ARHGEF33: variants seen among roughly 807,000 people sequenced by gnomAD.
The protein encoded by ARHGEF33 is Rho guanine nucleotide exchange factor 33.
In ARHGEF33, 72 loss-of-function variants were observed where a neutral mutation model predicts 101.9. That is an observed-to-expected ratio of 0.71 (90% CI 0.58 to 0.86). The LOEUF (loss-of-function observed/expected upper bound fraction) is 0.86, where lower values mean the gene tolerates loss of function less well. Ranked by LOEUF, ARHGEF33 falls within the 40% of genes least tolerant of loss-of-function variation. The pLI, the probability that ARHGEF33 is intolerant of heterozygous loss-of-function variation, is 0.00. For synonymous variants in ARHGEF33, 499 were observed against 442.5 expected, an observed-to-expected ratio of 1.13 and a Z score of -1.60; for missense variants, 1,169 against 1,111.3, an observed-to-expected ratio of 1.05 and a Z score of -0.74.
rs1284932299 is a variant in ARHGEF33 at position 38,960,312 on chromosome 2, G to T, written c.2007G>T (p.Pro669=). The stretch of plus-strand genomic sequence containing the variant: ...GCTTCGCCATGGAGGCCGAGCGGCC[G>T]GAGCACCCGCTGCAGCCGCTGCCCA... The part of the protein sequence containing the change: ...PVSFAMEAER[P]EHPLQPLPKS... The change falls in exon 16 of 18, where the codon CCG becomes CCT. Residue 669 remains proline, a synonymous_variant. Coordinates refer to ENST00000409978, the MANE Select transcript of ARHGEF33 (RefSeq NM_001145451.5). The T allele has an allele frequency of 3.2e-6, 5 of 1,543,790 alleles. No individual in the cohort carries two copies. The highest frequency in any genetic ancestry group is 4.4e-6 in the Non-Finnish European group (5 of 1,145,932).
At chr2:38,891,142 C>G (rs1406783730) in intron 1 of ARHGEF33, among the ~76,000 whole-genome samples, 1 of 152,020 alleles carries the variant, frequency 6.6e-6, no homozygotes, top group African/African-American at 2.4e-5. Context: ...TCATGTTGCT[C>G]AGGTTGGTCT....
At position 38,909,360 on chromosome 2, in the gene ARHGEF33, C is replaced by T. The variant is rs1187684206; in HGVS notation, c.-85-10003C>T. ...TTTTTTAGACCAGGTCTCACTCTGC[C>T]GCCCAGGCTGGAGTGCAGTGGCTCT... On this transcript the variant is annotated intron_variant, in intron 2 of 17. Transcript: ENST00000409978. Among the ~76,000 whole-genome samples the T allele has an allele frequency of 7.2e-5, 11 of 151,896 alleles. No homozygotes were observed. The South Asian group carries it at 1.0e-3, about 14-fold the overall frequency.
intron 9 of ARHGEF33, 52 bp from the exon 10 acceptor site, chr2:38,943,849 G>A: frequency 9.2e-6 from 14 of 1,518,342 alleles, no homozygotes; most frequent in Non-Finnish European, 1.2e-5. Flanking sequence ...CATTTAATGG[G>A]ATTTTAGGAA....
At chr2:38,906,069 C>G (rs1666380216) in intron 2 of ARHGEF33, among the ~76,000 whole-genome samples, 1 of 151,148 alleles carries the variant, frequency 6.6e-6, no homozygotes, top group Admixed American at 6.6e-5. Flanking sequence ...ACCTGGGAAA[C>G]ATGGTGAAAC....
intron 4 of ARHGEF33, among the ~76,000 whole-genome samples, chr2:38,924,303 C>T (rs1197087072): frequency 2.0e-5 from 3 of 152,098 alleles, no homozygotes; most frequent in Non-Finnish European, 4.4e-5. Flanking sequence ...TTAGAAAAGT[C>T]TATTCCCTAT....
At chr2:38,923,438 T>G (rs533345274) in intron 4 of ARHGEF33, among the ~76,000 whole-genome samples, 2 of 152,324 alleles carry the variant, frequency 1.3e-5, no homozygotes, top group Admixed American at 1.3e-4. Flanking sequence ...TATAATATTT[T>G]GGTAATTCTC....
chr2:38,964,316 T>G (rs1668007795), intron 16 of ARHGEF33, among the ~76,000 whole-genome samples: 2 of 152,102 alleles, frequency 1.3e-5, no homozygotes, highest in South Asian at 4.2e-4. Flanking sequence ...GCTGTACCAT[T>G]GAAGTTCATC....
chr2:38,893,352 G>A (rs1365786679), intron 1 of ARHGEF33, among the ~76,000 whole-genome samples: 2 of 151,984 alleles, frequency 1.3e-5, no homozygotes, highest in African/African-American at 4.8e-5. Flanking sequence ...TAGAGACAGA[G>A]TTTCACTATG....
chr2:38,900,290 G>C lies in ARHGEF33; in HGVS notation c.-86+4441G>C, dbSNP rs1666211495. Among the ~76,000 whole-genome samples, 3 of 152,184 alleles carry C rather than the reference G, an allele frequency of 2.0e-5. No individual in the cohort carries two copies. The South Asian group carries it at 6.2e-4, about 32-fold the overall frequency. ...CAGTTTGAGAATGTAGCAGAAGAGGGATTGACTAATTATGACTTAGAGGAT... is the reference window on the plus strand; with the variant it reads ...CAGTTTGAGAATGTAGCAGAAGAGGCATTGACTAATTATGACTTAGAGGAT... On this transcript the variant is annotated intron_variant, in intron 2 of 17. Coordinates refer to ENST00000409978, the MANE Select transcript of ARHGEF33 (RefSeq NM_001145451.5).
At chr2:38,961,350 G>C (rs951793797) in intron 16 of ARHGEF33, among the ~76,000 whole-genome samples, 2 of 152,122 alleles carry the variant, frequency 1.3e-5, no homozygotes, top group Non-Finnish European at 2.9e-5. Context: ...GTATTCTGAT[G>C]GCCAACCCCT....
intron 3 of ARHGEF33, among the ~76,000 whole-genome samples, chr2:38,920,288 A>G (rs1666726235): frequency 1.3e-5 from 2 of 152,020 alleles, no homozygotes; most frequent in African/African-American, 4.8e-5. Context: ...AATGTTTTAC[A>G]TGGATTGCCT....
chr2:38,913,513 G>T (rs187499494), intron 2 of ARHGEF33, among the ~76,000 whole-genome samples: 1 of 152,218 alleles, frequency 6.6e-6, no homozygotes, highest in African/African-American at 2.4e-5. Context: ...GGTGGCTCAC[G>T]CCTGTAATCT....
chr2:38,965,262 CAT>C (rs915672519), intron 16 of ARHGEF33, among the ~76,000 whole-genome samples: 1 of 152,102 alleles, frequency 6.6e-6, no homozygotes, highest in African/African-American at 2.4e-5. Context: ...GGAATATAAA[CAT>C]GTATATAAGT....
chr2:38,962,780 C>A (rs554048018), intron 16 of ARHGEF33, among the ~76,000 whole-genome samples: 2 of 133,912 alleles, frequency 1.5e-5, no homozygotes, highest in Non-Finnish European at 1.5e-5. Context: ...TTTGGGAGGC[C>A]GAGGTGGGCG....
At chr2:38,938,509 A>C (rs1667213320) in intron 9 of ARHGEF33, among the ~76,000 whole-genome samples, 1 of 152,244 alleles carries the variant, frequency 6.6e-6, no homozygotes, top group South Asian at 2.1e-4. Flanking sequence ...ATTGCACTCC[A>C]GCCTAGGCAA....
intron 2 of ARHGEF33, among the ~76,000 whole-genome samples, chr2:38,914,581 A>G (rs1056818321): frequency 2.7e-5 from 4 of 149,946 alleles, no homozygotes; most frequent in African/African-American, 9.8e-5. Flanking sequence ...GCAGGAGAAT[A>G]GTTTGAAACC....
At chr2:38,966,271 C>T (rs1360504234) in intron 17 of ARHGEF33, 126 bp downstream of exon 17, 2 of 1,245,402 alleles carry the variant, frequency 1.6e-6, no homozygotes. Context: ...AGTGCCTGCA[C>T]CCAGTAGCCA....
At chr2:38,954,289 TCCTAC>T in intron 12 of ARHGEF33, 79 bp from the exon 13 acceptor site, 3 of 794,310 alleles carry the variant, frequency 3.8e-6, no homozygotes, top group Non-Finnish European at 6.4e-6. Context: ...AGGAAACCCT[TCCTAC>T]CCTGGTGGGA....
intron 9 of ARHGEF33, 33 bp downstream of exon 9, chr2:38,937,592 T>G: frequency 8.0e-7 from 1 of 1,242,278 alleles, no homozygotes; most frequent in Non-Finnish European, 1.1e-6. Flanking sequence ...GGCTAATAGT[T>G]TAAAGAACAG....
Sources: allele counts gnomAD v4.1 joint callset (sites outside exome capture counted in the v4.1 genomes callset), GRCh38; gene constraint gnomAD v4.1.1; transcripts MANE v1.5; gene names NCBI Gene and HGNC (gene_info 2026-07-23, HGNC 2026-07-21).